The following PDE4D variants were observed in gnomAD, a reference collection of about 807,000 sequenced individuals.
PDE4D encodes 3',5'-cyclic-AMP phosphodiesterase 4D.
PDE4D carries 24 observed loss-of-function variants against 87.4 expected under a neutral mutation model. The observed-to-expected ratio is 0.27, with a 90% CI of 0.20 to 0.39. The LOEUF is 0.39. Among genes scored for constraint, PDE4D ranks in the 10% least tolerant of loss-of-function variants. The pLI is 1.00. For synonymous variants in PDE4D, 384 were observed against 383.2 expected (o/e 1.00, Z -0.02); for missense variants, 714 against 1,041.0 (o/e 0.69, Z 4.32).
At chr5:58,985,099 A>AAGAC (rs1192703220) in intron 11 of PDE4D, among the ~76,000 whole-genome samples, 3 of 151,828 alleles carry the variant, frequency 2.0e-5, no homozygotes, top group African/African-American at 7.3e-5. Context: ...TTTTTTTGTA[A>AAGAC]AGACAGGGTT....
chr5:60,142,891 C>T (rs1780661516), intron 2 of PDE4D, among the ~76,000 whole-genome samples: 1 of 151,836 alleles, frequency 6.6e-6, no homozygotes, highest in South Asian at 2.1e-4. Flanking sequence ...ATTGTGGCCA[C>T]AAAAATGGAC....
chr5:59,246,174 TAC>T (rs1056535662), intron 1 of PDE4D, among the ~76,000 whole-genome samples: 3 of 152,198 alleles, frequency 2.0e-5, no homozygotes, highest in Admixed American at 2.0e-4. Flanking sequence ...ATTTCTTTTC[TAC>T]AGTGTCAGCT....
intron 5 of PDE4D, among the ~76,000 whole-genome samples, chr5:59,046,745 G>T (rs181683680): frequency 1.3e-4 from 20 of 152,278 alleles, no homozygotes; most frequent in Non-Finnish European, 2.5e-4. Flanking sequence ...ATGTCTCTCT[G>T]AGCTGACATA....
rs60268428 is a variant in PDE4D, at chr5:59,511,833, G to T, written c.456-295865C>A. ...AGAAGAATAGGCCAAGTTACAGCCC[G>T]TTGGACAATATGATTTCAGAAACTT... On this transcript the variant is annotated intron_variant, in intron 1 of 14. Coordinates refer to ENST00000340635, the MANE Select transcript of PDE4D (RefSeq NM_001104631.2). Among the ~76,000 whole-genome samples the T allele has an allele frequency of 3.4e-3, 513 of 152,184 alleles. 1 individual carries two copies. The highest frequency in any genetic ancestry group is 0.012 in the African/African-American group (492 of 41,544).
At chr5:60,033,962 T>C (rs1767520067) in intron 2 of PDE4D, among the ~76,000 whole-genome samples, 1 of 152,216 alleles carries the variant, frequency 6.6e-6, no homozygotes, top group African/African-American at 2.4e-5. Flanking sequence ...ACATGAGCTA[T>C]GGATAAAGGA....
chr5:59,074,397 G>C (rs1160293680), intron 5 of PDE4D, among the ~76,000 whole-genome samples: 3 of 152,116 alleles, frequency 2.0e-5, no homozygotes, highest in African/African-American at 4.8e-5. Flanking sequence ...ATGAGATTCA[G>C]TAATATGAAA....
At chr5:59,330,922 C>G (rs1776616034) in intron 1 of PDE4D, among the ~76,000 whole-genome samples, 2 of 152,078 alleles carry the variant, frequency 1.3e-5, no homozygotes, top group Admixed American at 1.3e-4. Flanking sequence ...ACCCTGAGCA[C>G]CAGCACCTCC....
chr5:60,383,411 A>C (rs1043002150), intron 1 of PDE4D, among the ~76,000 whole-genome samples: 2 of 152,248 alleles, frequency 1.3e-5, no homozygotes, highest in Non-Finnish European at 2.9e-5. Context: ...GCCTAATGGA[A>C]ATGCCTTCCA....
intron 5 of PDE4D, among the ~76,000 whole-genome samples, chr5:59,168,701 GGA>G (rs763121815): frequency 3.3e-5 from 5 of 152,120 alleles, no homozygotes; most frequent in African/African-American, 7.2e-5. Context: ...AGGGAGGGAA[GGA>G]GAGAGAAAAA....
At chr5:60,209,679 G>A (rs1402064531) in intron 1 of PDE4D, among the ~76,000 whole-genome samples, 1 of 151,900 alleles carries the variant, frequency 6.6e-6, no homozygotes, top group Non-Finnish European at 1.5e-5. Context: ...CTGGCAGAGA[G>A]ATGAGAAAGA....
At chr5:59,680,934 T>C (rs1045897695) in intron 1 of PDE4D, among the ~76,000 whole-genome samples, 2 of 152,128 alleles carry the variant, frequency 1.3e-5, no homozygotes, top group African/African-American at 2.4e-5. Flanking sequence ...AATATACCCA[T>C]GGATATAGGT....
chr5:59,222,112 G>A (rs935918063), intron 1 of PDE4D, among the ~76,000 whole-genome samples: 30 of 152,002 alleles, frequency 2.0e-4, no homozygotes, highest in African/African-American at 6.8e-4. Context: ...AAGAGAAGTC[G>A]GACAAACTGA....
chr5:60,051,571 C>G (rs1165602788), intron 2 of PDE4D, among the ~76,000 whole-genome samples: 1 of 152,246 alleles, frequency 6.6e-6, no homozygotes, highest in Middle Eastern at 3.4e-3. Context: ...ACCAAATGCC[C>G]ACAGGAGAAA....
chr5:60,069,114 A>G (rs1024832307), intron 2 of PDE4D, among the ~76,000 whole-genome samples: 2 of 152,174 alleles, frequency 1.3e-5, no homozygotes, highest in Admixed American at 1.3e-4. Flanking sequence ...TCCAATCTCT[A>G]TGTGTATTCT....
intron 1 of PDE4D, among the ~76,000 whole-genome samples, chr5:59,890,290 CACACA>C (rs1750773841): frequency 7.7e-6 from 1 of 130,376 alleles, no homozygotes; most frequent in African/African-American, 2.8e-5. Flanking sequence ...CACACACACA[CACACA>C]CCTTTTCTTG....
rs74382590 is a variant in PDE4D at position 59,425,530 on chromosome 5, C to T, written c.456-209562G>A. On this transcript the variant is annotated intron_variant, in intron 1 of 14. Coordinates refer to ENST00000340635, the MANE Select transcript of PDE4D (RefSeq NM_001104631.2). ...GCATGAGAGGTGGAGGGTAGAATTG[C>T]GTCAGTTGAAAATCACTACACCCCT... Among the ~76,000 whole-genome samples the T allele has an allele frequency of 4.6e-3, 695 of 152,166 alleles. 4 individuals are homozygous for T. The highest frequency in any genetic ancestry group is 0.024 in the Middle Eastern group (7 of 294).
chr5:59,158,063 T>C (rs1340679127), intron 5 of PDE4D, among the ~76,000 whole-genome samples: 1 of 152,188 alleles, frequency 6.6e-6, no homozygotes, highest in Non-Finnish European at 1.5e-5. Context: ...TGAATTTATA[T>C]TGAGTTCTCT....
intron 1 of PDE4D, among the ~76,000 whole-genome samples, chr5:60,417,858 G>A (rs905598249): frequency 6.6e-6 from 1 of 151,464 alleles, no homozygotes; most frequent in Non-Finnish European, 1.5e-5. Flanking sequence ...TGTCTATAAT[G>A]TTTAAATGGT....
chr5:60,293,530 C>CA (rs560874156), intron 1 of PDE4D, among the ~76,000 whole-genome samples: 28 of 151,538 alleles, frequency 1.8e-4, no homozygotes, highest in South Asian at 1.0e-3. Flanking sequence ...AACAAACAAA[C>CA]AAAAAAAAGA....
Sources: allele counts gnomAD v4.1 joint callset (sites outside exome capture counted in the v4.1 genomes callset), GRCh38; gene constraint gnomAD v4.1.1; transcripts MANE v1.5; gene names NCBI Gene and HGNC (gene_info 2026-07-23, HGNC 2026-07-21).